Variants in GOLT1A observed in about 807,000 individuals in gnomAD.
The protein encoded by GOLT1A is golgi transport 1A.
GOLT1A carries 10 observed loss-of-function variants against 16.1 expected under a neutral mutation model. The ratio of observed to expected loss-of-function variants is 0.62; its 90% CI spans 0.38 to 1.05. The LOEUF is 1.05. Among genes scored for constraint, GOLT1A ranks in the 50% least tolerant of loss-of-function variants. GOLT1A has a pLI of 0.01. For synonymous variants in GOLT1A, 60 were observed against 67.9 expected, an observed-to-expected ratio of 0.88 and a Z score of 0.57; for missense variants, 137 against 165.7, an observed-to-expected ratio of 0.83 and a Z score of 0.95.
chr1:204,203,068 A>G lies in GOLT1A; in HGVS notation c.26-81T>C, dbSNP rs1658987978. ...CTGAAACTTCCCCCATTGCCACAGG[A>G]CAGGTGCCCTCTATGGGGGTGACTC... On this transcript the variant is annotated intron_variant, in intron 1 of 4. Transcript: ENST00000308302. The G allele has an allele frequency of 3.9e-6, 4 of 1,032,140 alleles. No individual in the cohort carries two copies. The East Asian group carries it at 9.9e-5, about 26-fold the overall frequency. The allele number at this position is 1,032,140 out of a possible 1,614,324, so 63.9% of individuals were successfully genotyped here. A position where few individuals can be genotyped will look rare whatever the true frequency, so the allele number is the denominator to read the frequency against.
intron 3 of GOLT1A, among the ~76,000 whole-genome samples, chr1:204,200,414 C>G (rs1447531122): frequency 6.7e-6 from 1 of 149,800 alleles, no homozygotes; most frequent in East Asian, 2.0e-4. Flanking sequence ...ACCTTCGCCC[C>G]CTGCGTTTAA....
chr1:204,205,464 T>C, intron 1 of GOLT1A, among the ~76,000 whole-genome samples: 1 of 152,242 alleles, frequency 6.6e-6, no homozygotes, highest in South Asian at 2.1e-4. Context: ...AAAATTTTAC[T>C]GGACTTGTTA....
chr1:204,199,631 A>T (rs1484536778), intron 3 of GOLT1A, among the ~76,000 whole-genome samples: 2 of 152,138 alleles, frequency 1.3e-5, no homozygotes, highest in East Asian at 3.8e-4. Flanking sequence ...TGTTACTCTC[A>T]TGATTATGAC....
intron 1 of GOLT1A, among the ~76,000 whole-genome samples, chr1:204,205,143 C>T (rs779579726): frequency 2.0e-5 from 3 of 152,086 alleles, no homozygotes; most frequent in Non-Finnish European, 4.4e-5. Context: ...TCCTTTGATG[C>T]GGTGAAGTTT....
intron 1 of GOLT1A, among the ~76,000 whole-genome samples, chr1:204,210,628 CAG>C (rs1241918476): frequency 2.0e-5 from 3 of 152,078 alleles, no homozygotes; most frequent in Non-Finnish European, 4.4e-5. Context: ...GTTGTTGAGA[CAG>C]GGGTTTTGCA....
intron 1 of GOLT1A, among the ~76,000 whole-genome samples, chr1:204,208,476 G>GTGTGTGTATATATATATA (rs1286299770): frequency 1.3e-4 from 5 of 39,954 alleles, no homozygotes; most frequent in African/African-American, 3.9e-4. Context: ...GTGTGTGTGT[G>GTGTGTGTATATATATATA]TATATATATA....
At chr1:204,205,851 C>T (rs1374457277) in intron 1 of GOLT1A, among the ~76,000 whole-genome samples, 1 of 152,194 alleles carries the variant, frequency 6.6e-6, no homozygotes, top group Non-Finnish European at 1.5e-5. Context: ...GGGTGGATCA[C>T]TTGAAGTCAG....
chr1:204,213,895 G>A lies in GOLT1A; in HGVS notation c.12C>T (p.Ile4=), dbSNP rs755672072. 11 of 1,613,410 alleles carry A rather than the reference G, an allele frequency of 6.8e-6. No homozygotes were observed. The highest frequency in any genetic ancestry group is 1.1e-5 in the South Asian group (1 of 90,916). Residue 4 remains isoleucine (I), a synonymous_variant, in exon 1 of 5, where the codon ATC becomes ATT. Coordinates refer to ENST00000308302, the MANE Select transcript of GOLT1A (RefSeq NM_198447.2). The part of the protein sequence containing the change: MIS[I]TEWQKIGVGI... ...CATCCCACTTACTCTGCCATTCGGT[G>A]ATGGAGATCATGCCGCACTCAGCCT...
In GOLT1A at chr1:204,198,985, G is replaced by A. The variant is rs557046850; in HGVS notation, c.360+210C>T. The A allele has an allele frequency of 8.8e-5, 51 of 577,760 alleles. 1 individual carries two copies. The highest frequency in any genetic ancestry group is 8.6e-4 in the South Asian group (39 of 45,604). 35.8% of individuals were successfully genotyped at this position (577,760 alleles called of 1,614,324 possible). A position where few individuals can be genotyped will look rare whatever the true frequency, so the allele number is the denominator to read the frequency against. On this transcript the variant is annotated intron_variant, in intron 4 of 4. Coordinates refer to ENST00000308302, the MANE Select transcript of GOLT1A (RefSeq NM_198447.2). ...TACAGCCACACTCAGCTACAACTGC[G>A]TCTGGATCCCCTCTCCTCATGGGCT...
intron 1 of GOLT1A, among the ~76,000 whole-genome samples, chr1:204,208,503 A>AT (rs1355316440): frequency 0.018 from 917 of 50,914 alleles, 59 homozygotes; most frequent in Middle Eastern, 0.061. Context: ...TATATATATA[A>AT]AAAATGAACT....
At chr1:204,200,327 GTT>G (rs538218770) in intron 3 of GOLT1A, among the ~76,000 whole-genome samples, 15,216 of 60,378 alleles carry the variant, frequency 0.25, 1,442 homozygotes, top group African/African-American at 0.36. Flanking sequence ...ATATGTTTTT[GTT>G]TTTTTTTTTT....
intron 3 of GOLT1A, among the ~76,000 whole-genome samples, chr1:204,200,666 AGG>A (rs1265772160): frequency 3.9e-5 from 6 of 152,110 alleles, no homozygotes; most frequent in Non-Finnish European, 5.9e-5. Flanking sequence ...AATAGATGGC[AGG>A]TATGCATGAG....
At chr1:204,211,749 G>A (rs528832932) in intron 1 of GOLT1A, among the ~76,000 whole-genome samples, 16 of 152,172 alleles carry the variant, frequency 1.1e-4, no homozygotes, top group Admixed American at 6.5e-4. Context: ...GTGGGGAAGC[G>A]GGGTGCGGGA....
chr1:204,211,535 C>T (rs560995289), intron 1 of GOLT1A, among the ~76,000 whole-genome samples: 1 of 152,336 alleles, frequency 6.6e-6, no homozygotes, highest in East Asian at 1.9e-4. Flanking sequence ...TCAGGGAAAG[C>T]TGGTCCACTC....
intron 1 of GOLT1A, among the ~76,000 whole-genome samples, chr1:204,207,595 A>G (rs1659061605): frequency 6.6e-6 from 1 of 152,206 alleles, no homozygotes; most frequent in Non-Finnish European, 1.5e-5. Context: ...GAAATCAGCT[A>G]CAGCTCCAAG....
chr1:204,198,528 A>G, intron 4 of GOLT1A, 32 bp from the exon 5 acceptor site: 1 of 1,602,498 alleles, frequency 6.2e-7, no homozygotes, highest in Non-Finnish European at 8.5e-7. Flanking sequence ...ACTCCACACA[A>G]AGGGTAGAGA....
At chr1:204,209,035 T>A (rs1012651960) in intron 1 of GOLT1A, among the ~76,000 whole-genome samples, 2 of 152,228 alleles carry the variant, frequency 1.3e-5, no homozygotes, top group Admixed American at 6.5e-5. Flanking sequence ...TTAATGATCA[T>A]GTCTCTTTAA....
intron 1 of GOLT1A, among the ~76,000 whole-genome samples, chr1:204,208,476 G>GTGTGTT (rs1286299770): frequency 2.5e-5 from 1 of 39,940 alleles, no homozygotes. Context: ...GTGTGTGTGT[G>GTGTGTT]TATATATATA....
intron 1 of GOLT1A, among the ~76,000 whole-genome samples, chr1:204,211,368 C>A (rs1436308918): frequency 6.6e-6 from 1 of 152,200 alleles, no homozygotes; most frequent in East Asian, 1.9e-4. Flanking sequence ...CTATTGCCTG[C>A]CATGCTCCAA....
Sources: allele counts gnomAD v4.1 joint callset (sites outside exome capture counted in the v4.1 genomes callset), GRCh38; gene constraint gnomAD v4.1.1; transcripts MANE v1.5; gene names NCBI Gene and HGNC (gene_info 2026-07-23, HGNC 2026-07-21).